MVD: variants seen among roughly 807,000 people sequenced by gnomAD.
The protein encoded by MVD is mevalonate diphosphate decarboxylase.
Under a neutral mutation model 42.4 loss-of-function variants are expected in MVD, and 52 were observed. The observed-to-expected ratio is 1.23, with a 90% CI of 0.98 to 1.55. MVD has a LOEUF of 1.55. Ranked by LOEUF, MVD falls within the 40% of genes most tolerant of loss-of-function variation. MVD has a pLI of 0.00. For synonymous variants in MVD, 287 were observed against 243.2 expected (o/e 1.18, Z -1.68); for missense variants, 663 against 572.1 (o/e 1.16, Z -1.62).
At chr16:88,654,624 C>A in intron 8 of MVD, 68 bp downstream of exon 8, 1 of 1,488,450 alleles carries the variant, frequency 6.7e-7, no homozygotes. Flanking sequence ...TCAGGTGCCT[C>A]CGTCTCTTCC....
At chr16:88,657,212 C>G (rs768618432) in intron 4 of MVD, 2 of 718,978 alleles carry the variant, frequency 2.8e-6, no homozygotes, top group African/African-American at 1.7e-5. Context: ...CTCTTAAGTA[C>G]TGGGATTACA....
rs528393793 is a variant in MVD, at chr16:88,657,938, C to T, written c.233G>A (p.Arg78Gln). ...NGREEDVGQP[R>Q]LQACLREIRC... ...ACTCTCCCGCAGGCAGGCCTGCAGCCGCGGCTGCCCCACATCCTCCTCCCG... is the reference window on the plus strand; with the variant it reads ...ACTCTCCCGCAGGCAGGCCTGCAGCTGCGGCTGCCCCACATCCTCCTCCCG... The change falls in exon 3 of 10, where the codon CGG becomes CAG. Residue 78 changes from arginine (R) to glutamine (Q), a missense_variant. Transcript: ENST00000301012. 57 of 1,613,726 alleles carry T rather than the reference C, an allele frequency of 3.5e-5. No homozygotes were observed. The highest frequency in any genetic ancestry group is 4.6e-5 in the Non-Finnish European group (54 of 1,180,020).
intron 8 of MVD, chr16:88,653,650 T>C (rs1042269425): frequency 9.2e-5 from 44 of 476,190 alleles, no homozygotes; most frequent in African/African-American, 8.3e-4. Context: ...CAGGATTATA[T>C]GCTCTCGAAT....
intron 4 of MVD, 122 bp downstream of exon 4, chr16:88,657,314 G>A (rs1010390508): frequency 3.0e-6 from 4 of 1,334,674 alleles, no homozygotes; most frequent in Non-Finnish European, 4.1e-6. Context: ...GGCCAGGGAG[G>A]CCTGGGGTGA....
chr16:88,660,677 T>C (rs2142911816), intron 1 of MVD: 1 of 148,236 alleles, frequency 6.7e-6, no homozygotes, highest in South Asian at 2.1e-4. Context: ...TACAAATAAA[T>C]ATAAAAATAT....
chr16:88,653,249 C>T (rs751151704), intron 9 of MVD, 51 bp downstream of exon 9: 5 of 1,487,456 alleles, frequency 3.4e-6, no homozygotes, highest in South Asian at 2.4e-5. Context: ...TGGGCGGGCC[C>T]CCCTGGCAGG....
Position 88,662,322 on chromosome 16 carries a change from C to G in MVD, c.70+689G>C, listed in dbSNP as rs984204255. 6.6e-5 allele frequency among the ~76,000 whole-genome samples: 10 copies of G among 152,168 alleles called. No individual in the cohort carries two copies. The East Asian group carries it at 1.9e-3, about 29-fold the overall frequency. ...TCCCGGGGCACGTCCACATTCTATG[C>G]TGAATGAAATAAGCCAAACTCAAAA... On this transcript the variant is annotated intron_variant, in intron 1 of 9. Coordinates refer to ENST00000301012, the MANE Select transcript of MVD (RefSeq NM_002461.3).
At chr16:88,662,512 G>C (rs1259590330) in intron 1 of MVD, among the ~76,000 whole-genome samples, 1 of 152,172 alleles carries the variant, frequency 6.6e-6, no homozygotes, top group Non-Finnish European at 1.5e-5. Context: ...ATGTGGGCCT[G>C]CGGGCCCCCC....
intron 4 of MVD, chr16:88,657,136 G>A (rs781467723): frequency 4.3e-4 from 256 of 599,252 alleles, no homozygotes; most frequent in Middle Eastern, 5.5e-4. Flanking sequence ...GAGATGGGGG[G>A]GGGTCTCACT....
At chr16:88,654,364 T>G (rs1907771112) in intron 8 of MVD, among the ~76,000 whole-genome samples, 1 of 152,232 alleles carries the variant, frequency 6.6e-6, no homozygotes, top group Non-Finnish European at 1.5e-5. Flanking sequence ...CGCACACATC[T>G]GGGAGTGCAG....
chr16:88,652,344 C>A lies in MVD; in HGVS notation c.*181G>T. ...GGGCAGCTGAAGCACTCGGCGGGGA[C>A]CTCTCCTGACACCTGGGCGGCCGCA... On this transcript the variant is annotated 3_prime_UTR_variant, in exon 10 of 10. Coordinates refer to ENST00000301012, the MANE Select transcript of MVD (RefSeq NM_002461.3). 2 of 675,496 alleles carry A rather than the reference C, an allele frequency of 3.0e-6. No homozygotes were observed. Among genetic ancestry groups the A allele is most frequent in the South Asian group, 1.7e-5 (1 of 59,198 alleles). The allele number at this position is 675,496 out of a possible 1,614,324, so 41.8% of individuals were successfully genotyped here. A position where few individuals can be genotyped will look rare whatever the true frequency, so the allele number is the denominator to read the frequency against.
In MVD at chr16:88,657,998, T is replaced by C; in HGVS notation, c.173A>G (p.Lys58Arg). The change falls in exon 3 of 10, where the codon AAG (lysine) becomes AGG (arginine). Residue 58 changes from lysine to arginine, a missense_variant. Lys to Arg is a conservative substitution (Grantham distance 26). Coordinates refer to ENST00000301012, the MANE Select transcript of MVD (RefSeq NM_002461.3). ...CCAAATCCGGTCCTCGGTGAAGTCC[T>C]TGCTGATGACGGCTGTTGTGGTGGT... is the stretch of plus-strand genomic sequence containing the variant. Reference protein sequence around the residue: ...LKTTTTAVISKDFTEDRIWLN... With the variant: ...LKTTTTAVISRDFTEDRIWLN... 1.2e-6 allele frequency: 2 copies of C among 1,614,102 alleles called. No individual in the cohort carries two copies. The highest frequency in any genetic ancestry group is 1.7e-6 in the Non-Finnish European group (2 of 1,180,036).
Position 88,656,095 on chromosome 16 carries a change from C to A in MVD, c.603+10G>T, listed in dbSNP as rs199575183. The A allele has an allele frequency of 1.5e-3, 2,317 of 1,580,174 alleles. 6 individuals carry two copies. The highest frequency in any genetic ancestry group is 4.7e-3 in the South Asian group (425 of 89,784). ...CCGGGCTGCTGCTCCACCCGCCCCA[C>A]CCCACTCACCACAAGGATGAGCACG... On this transcript the variant is annotated intron_variant, in intron 5 of 9. Transcript: ENST00000301012.
rs1471657323 is a variant in MVD, at chr16:88,652,496, C to T, written c.*29G>A. 5 of 1,553,566 alleles carry T rather than the reference C, an allele frequency of 3.2e-6. No individual in the cohort carries two copies. The African/African-American group carries it at 4.1e-5, about 13-fold the overall frequency. On this transcript the variant is annotated 3_prime_UTR_variant, in exon 10 of 10. Coordinates refer to ENST00000301012, the MANE Select transcript of MVD (RefSeq NM_002461.3). ...AGCTCCGGCGAGGCCACCCCTTCTC[C>T]AAGCGGCATGCGGTCCCTGCTGAGG...
intron 7 of MVD, 89 bp from the exon 8 acceptor site, chr16:88,654,896 C>T (rs796744937): frequency 1.2e-5 from 15 of 1,285,212 alleles, no homozygotes; most frequent in Non-Finnish European, 1.5e-5. Flanking sequence ...GCCTTGGGCT[C>T]TCCAAGAGCT....
At chr16:88,655,623 C>T in intron 6 of MVD, 33 bp downstream of exon 6, 1 of 1,546,548 alleles carries the variant, frequency 6.5e-7, no homozygotes, top group Non-Finnish European at 8.7e-7. Flanking sequence ...GCGTGACTCC[C>T]AGGGCCCCGG....
At position 88,655,430 on chromosome 16, in the gene MVD, G is replaced by C; in HGVS notation, c.679-13C>G. On this transcript the variant is annotated splice_polypyrimidine_tract_variant and intron_variant, in intron 6 of 9. Coordinates refer to ENST00000301012, the MANE Select transcript of MVD (RefSeq NM_002461.3). The stretch of plus-strand genomic sequence containing the variant: ...ACTCGGCCCGGAACTGCAAGGCACA[G>C]GGTGTTTCCCATGGAGCCGCTGGGG... 2.6e-6 allele frequency: 4 copies of C among 1,558,588 alleles called. No homozygotes were observed. Among genetic ancestry groups the C allele is most frequent in the Non-Finnish European group, 3.5e-6 (4 of 1,156,914 alleles).
chr16:88,654,760 C>G lies in MVD; in HGVS notation c.945G>C (p.Leu315=), dbSNP rs752641851. ...CCACAAACTCAGCCACAGTGTCGTCCAGGGTGAAGATCACGGCATTGGGGC... is the reference window on the plus strand; with the variant it reads ...CCACAAACTCAGCCACAGTGTCGTCGAGGGTGAAGATCACGGCATTGGGGC... The part of the protein sequence containing the change: ...DAGPNAVIFT[L]DDTVAEFVAA... The change falls in exon 8 of 10, where the codon CTG becomes CTC. Residue 315 remains leucine (L), a synonymous_variant. Coordinates refer to ENST00000301012, the MANE Select transcript of MVD (RefSeq NM_002461.3). 2 of 1,600,732 alleles carry G rather than the reference C, an allele frequency of 1.2e-6. No homozygotes were observed. The highest frequency in any genetic ancestry group is 1.4e-5 in the African/African-American group (1 of 74,042).
rs539535437 is a variant in MVD, at chr16:88,655,585, C to T, written c.678+71G>A. The stretch of plus-strand genomic sequence containing the variant: ...AGGTGTGAGAACACTCGGGCCCAGA[C>T]AGAGGCTGAGGGCAGAGCCGGGCAC... On this transcript the variant is annotated intron_variant, in intron 6 of 9. Coordinates refer to ENST00000301012, the MANE Select transcript of MVD (RefSeq NM_002461.3). The T allele has an allele frequency of 9.1e-6, 14 of 1,532,180 alleles. No individual in the cohort carries two copies. The Admixed American group carries it at 2.8e-4, about 30-fold the overall frequency. 94.9% of individuals were successfully genotyped at this position (1,532,180 alleles called of 1,614,324 possible).
Sources: allele counts gnomAD v4.1 joint callset (sites outside exome capture counted in the v4.1 genomes callset), GRCh38; gene constraint gnomAD v4.1.1; transcripts MANE v1.5; gene names NCBI Gene and HGNC (gene_info 2026-07-23, HGNC 2026-07-21).